The following PPM1L variants were observed in gnomAD, a reference collection of about 807,000 sequenced individuals.
The protein encoded by PPM1L is protein phosphatase 1L.
In PPM1L, 13 loss-of-function variants were observed where a neutral mutation model predicts 31.4. The observed-to-expected ratio is 0.41, with a 90% CI of 0.27 to 0.66. PPM1L has a LOEUF of 0.66. Ranked by LOEUF, PPM1L falls within the 30% of genes least tolerant of loss-of-function variation. The pLI, the probability that PPM1L is intolerant of heterozygous loss-of-function variation, is 0.29. For missense variants in PPM1L, 326 were observed against 453.7 expected (o/e 0.72, Z 2.56); for synonymous variants, 184 against 175.4 (o/e 1.05, Z -0.39).
chr3:160,983,433 G>A (rs1015900650), intron 2 of PPM1L, among the ~76,000 whole-genome samples: 1 of 151,792 alleles, frequency 6.6e-6, no homozygotes, highest in African/African-American at 2.4e-5. Context: ...AGATTTTTTG[G>A]GGGGTGGTGG....
At chr3:161,024,840 T>A (rs567805971) in intron 2 of PPM1L, among the ~76,000 whole-genome samples, 3 of 152,322 alleles carry the variant, frequency 2.0e-5, no homozygotes, top group South Asian at 2.1e-4. Flanking sequence ...ATGGTTAGGC[T>A]GCTAATTTTC....
chr3:161,075,082 G>T lies in PPM1L; in HGVS notation c.*5925G>T, dbSNP rs1411157528. 2.0e-5 allele frequency: 3 copies of T among 152,118 alleles called. No homozygotes were observed. Among genetic ancestry groups the T allele is most frequent in the African/African-American group, 4.8e-5 (2 of 41,408 alleles). 9.4% of individuals were successfully genotyped at this position (152,118 alleles called of 1,614,324 possible). On this transcript the variant is annotated 3_prime_UTR_variant, in exon 4 of 4. Coordinates refer to ENST00000498165, the MANE Select transcript of PPM1L (RefSeq NM_139245.4). ...AGAGGGCTGAGTGACCCAGAGCAAA[G>T]CCTGCCCGGGTTACTCGCTGCCACT...
intron 1 of PPM1L, among the ~76,000 whole-genome samples, chr3:160,959,244 C>T (rs1715876651): frequency 1.3e-5 from 2 of 148,698 alleles, no homozygotes; most frequent in Admixed American, 1.3e-4. Context: ...GAGAGCTAAG[C>T]TATGAGGATG....
intron 1 of PPM1L, among the ~76,000 whole-genome samples, chr3:160,937,973 C>T (rs1457164745): frequency 6.6e-6 from 1 of 152,236 alleles, no homozygotes; most frequent in East Asian, 1.9e-4. Context: ...AAAAGACTGA[C>T]CTCAAGAGTG....
intron 1 of PPM1L, among the ~76,000 whole-genome samples, chr3:160,935,259 G>A (rs1714931770): frequency 6.6e-6 from 1 of 152,128 alleles, no homozygotes; most frequent in African/African-American, 2.4e-5. Flanking sequence ...ATTGGCAATT[G>A]TTTAATTCTG....
Position 160,914,704 on chromosome 3 carries a change from C to G in PPM1L, c.400-47032C>G, listed in dbSNP as rs181116925. Among the ~76,000 whole-genome samples, 45 of 152,184 alleles carry G rather than the reference C, an allele frequency of 3.0e-4. No homozygotes were observed. The East Asian group carries it at 7.9e-3, about 27-fold the overall frequency. Reference sequence around the variant, plus strand: ...CAGTCTATCATTGTTGGACATTTGGCTTGGTTCCAAGTCTTTGCTATTGTG... The same window carrying G: ...CAGTCTATCATTGTTGGACATTTGGGTTGGTTCCAAGTCTTTGCTATTGTG... On this transcript the variant is annotated intron_variant, in intron 1 of 3. Transcript: ENST00000498165.
chr3:161,059,800 TG>T lies in PPM1L; in HGVS notation c.575-5602del, dbSNP rs1181353860. On this transcript the variant is annotated intron_variant, in intron 2 of 3. Coordinates refer to ENST00000498165, the MANE Select transcript of PPM1L (RefSeq NM_139245.4). ...TGCTGTTCTTGTGATAGTGAGTTCT[TG>T]TGAGATCTGGTTGTTTAAAAGTGTA... Among the ~76,000 whole-genome samples, 4 of 152,040 alleles carry T rather than the reference TG, an allele frequency of 2.6e-5. No homozygotes were observed. In the East Asian group the frequency reaches 7.7e-4, roughly 29 times the overall value.
At chr3:160,843,623 C>T (rs111948041) in intron 1 of PPM1L, among the ~76,000 whole-genome samples, 29 of 151,642 alleles carry the variant, frequency 1.9e-4, no homozygotes, top group East Asian at 5.8e-4. Context: ...CCTCTCCCCC[C>T]ACACCACAAC....
intron 2 of PPM1L, among the ~76,000 whole-genome samples, chr3:161,028,667 T>C (rs1307969312): frequency 2.0e-5 from 3 of 152,120 alleles, no homozygotes; most frequent in Non-Finnish European, 4.4e-5. Flanking sequence ...ATCAAATTAC[T>C]ATCCCTCTCC....
At chr3:160,979,001 C>T (rs911632394) in intron 2 of PPM1L, among the ~76,000 whole-genome samples, 3 of 151,814 alleles carry the variant, frequency 2.0e-5, no homozygotes, top group Non-Finnish European at 2.9e-5. Flanking sequence ...TGTAGAATAT[C>T]GAGTGTATTC....
At chr3:160,960,825 G>C (rs1344596692) in intron 1 of PPM1L, among the ~76,000 whole-genome samples, 1 of 152,072 alleles carries the variant, frequency 6.6e-6, no homozygotes, top group African/African-American at 2.4e-5. Flanking sequence ...TGCTTAACTA[G>C]CAATGGGATT....
At chr3:160,820,590 A>C (rs1342973639) in intron 1 of PPM1L, among the ~76,000 whole-genome samples, 1 of 152,060 alleles carries the variant, frequency 6.6e-6, no homozygotes, top group Non-Finnish European at 1.5e-5. Context: ...TGTTGCGCTA[A>C]GATAGATATT....
At chr3:160,785,840 T>G (rs1159461694) in intron 1 of PPM1L, among the ~76,000 whole-genome samples, 4 of 151,816 alleles carry the variant, frequency 2.6e-5, no homozygotes, top group African/African-American at 4.8e-5. Flanking sequence ...CTGTTTTTTT[T>G]TTTTTTTTTA....
At chr3:160,989,048 T>G (rs576508665) in intron 2 of PPM1L, among the ~76,000 whole-genome samples, 5 of 152,326 alleles carry the variant, frequency 3.3e-5, no homozygotes, top group Middle Eastern at 3.4e-3. Flanking sequence ...TCACTTCTGA[T>G]GTGAAAGGGA....
intron 1 of PPM1L, among the ~76,000 whole-genome samples, chr3:160,762,029 T>A (rs1035209545): frequency 1.3e-5 from 2 of 152,362 alleles, no homozygotes; most frequent in Middle Eastern, 3.4e-3. Flanking sequence ...ACCATTTTTC[T>A]CTTCTCTTAG....
At chr3:160,778,147 C>G (rs1401327535) in intron 1 of PPM1L, among the ~76,000 whole-genome samples, 4 of 151,896 alleles carry the variant, frequency 2.6e-5, no homozygotes, top group Non-Finnish European at 5.9e-5. Flanking sequence ...GCTTATTGGC[C>G]ATCATTTTAT....
chr3:160,797,167 C>G (rs1486970397), intron 1 of PPM1L, among the ~76,000 whole-genome samples: 2 of 152,098 alleles, frequency 1.3e-5, no homozygotes, highest in Non-Finnish European at 1.5e-5. Flanking sequence ...TACTTCTTGT[C>G]TCTGTCATAT....
At chr3:160,961,208 C>G (rs1216950561) in intron 1 of PPM1L, among the ~76,000 whole-genome samples, 1 of 152,160 alleles carries the variant, frequency 6.6e-6, no homozygotes, top group African/African-American at 2.4e-5. Context: ...TAAATCTCCT[C>G]ATTTTCTGTT....
chr3:160,996,415 TA>T (rs377050786), intron 2 of PPM1L, among the ~76,000 whole-genome samples: 1 of 151,950 alleles, frequency 6.6e-6, no homozygotes, highest in African/African-American at 2.4e-5. Flanking sequence ...AACGAGTGGA[TA>T]AAAAAAATTG....
Sources: gnomAD v4.1 joint callset for allele counts (sites outside exome capture counted in the v4.1 genomes callset) on GRCh38, gnomAD v4.1.1 for gene constraint, MANE v1.5 for transcripts, NCBI Gene and HGNC (gene_info 2026-07-23, HGNC 2026-07-21) for gene names.